Variants in SYNE3 observed in about 807,000 individuals in gnomAD.
The protein encoded by SYNE3 is spectrin repeat containing nuclear envelope family member 3.
A neutral mutation model predicts 111.2 loss-of-function variants in SYNE3; 100 were observed. That is an observed-to-expected ratio of 0.90 (90% CI 0.77 to 1.06). SYNE3 has a LOEUF of 1.06. Among genes scored for constraint, SYNE3 ranks in the 50% least tolerant of loss-of-function variants. SYNE3 has a pLI of 0.00. For missense variants in SYNE3, 1,160 were observed against 1,240.3 expected, an observed-to-expected ratio of 0.94 and a Z score of 0.97; for synonymous variants, 547 against 533.9, an observed-to-expected ratio of 1.02 and a Z score of -0.34.
At chr14:95,430,892 C>G (rs1287354336) in intron 17 of SYNE3, among the ~76,000 whole-genome samples, 2 of 152,024 alleles carry the variant, frequency 1.3e-5, no homozygotes, top group Non-Finnish European at 2.9e-5. Flanking sequence ...ACAACTCCCT[C>G]GAAGCCACAA....
chr14:95,462,776 G>A (rs952019510), intron 4 of SYNE3, among the ~76,000 whole-genome samples: 2 of 152,262 alleles, frequency 1.3e-5, no homozygotes, highest in African/African-American at 4.8e-5. Flanking sequence ...CGCAGCTGCA[G>A]GGAGCGCCAC....
In SYNE3 at chr14:95,499,856, C is replaced by CTTTTTTTTTT. The variant is rs10547044; in HGVS notation, c.-15+16730_-15+16739dup. On this transcript the variant is annotated intron_variant, in intron 1 of 17. Coordinates refer to ENST00000682763, the MANE Select transcript of SYNE3 (RefSeq NM_152592.6). ...AATCCCCTGTATCACTAACTCTTGT[C>CTTTTTTTTTT]TTTTTTTTTTTTTTTTTTTTGAGAT... is the stretch of plus-strand genomic sequence containing the variant. Among the ~76,000 whole-genome samples, 81 of 90,064 alleles carry CTTTTTTTTTT rather than the reference C, an allele frequency of 9.0e-4. 8 individuals are homozygous for CTTTTTTTTTT. The highest frequency in any genetic ancestry group is 1.7e-3 in the South Asian group (4 of 2,372). 59.1% of individuals were successfully genotyped at this position (90,064 alleles called of 152,430 possible).
chr14:95,467,677 C>A, intron 3 of SYNE3, 118 bp downstream of exon 3: 2 of 1,264,692 alleles, frequency 1.6e-6, no homozygotes, highest in East Asian at 5.1e-5. Context: ...AAGAGAATAT[C>A]CTGTCCCCCA....
At chr14:95,428,022 A>T (rs910784) in intron 17 of SYNE3, among the ~76,000 whole-genome samples, 5 of 152,060 alleles carry the variant, frequency 3.3e-5, no homozygotes, top group Non-Finnish European at 5.9e-5. Flanking sequence ...GCTAAGAAAG[A>T]AAAGAACAGC....
rs751153719 is a variant in SYNE3 at position 95,436,956 on chromosome 14, C to T, written c.2402G>A (p.Gly801Glu). Reference protein sequence around the residue: ...RRANLLQEEEGSHEDFSQLLR... With the variant: ...RRANLLQEEEESHEDFSQLLR... ...GAGCTGGGAGAAATCTTCATGGCTC[C>T]CTTCTTCTTCCTGTAGAAGATTTGC... is the stretch of plus-strand genomic sequence containing the variant. The change falls in exon 15 of 18, where the codon GGG becomes GAG. Residue 801 changes from glycine (G) to glutamate (E), a missense_variant. Coordinates refer to ENST00000682763, the MANE Select transcript of SYNE3 (RefSeq NM_152592.6). 1 of 1,611,414 alleles carries T rather than the reference C, an allele frequency of 6.2e-7. No individual in the cohort carries two copies. The highest frequency in any genetic ancestry group is 1.7e-5 in the Admixed American group (1 of 59,746).
chr14:95,418,242 G>A (rs115246771), intron 17 of SYNE3, among the ~76,000 whole-genome samples: 399 of 152,328 alleles, frequency 2.6e-3, no homozygotes, highest in African/African-American at 9.1e-3. Flanking sequence ...GGCATGAAAG[G>A]AAGAATAGAA....
chr14:95,514,493 G>A (rs1890840655), intron 1 of SYNE3, among the ~76,000 whole-genome samples: 2 of 152,236 alleles, frequency 1.3e-5, no homozygotes, highest in Non-Finnish European at 2.9e-5. Flanking sequence ...TCCCGACGAG[G>A]CCCCTTCGCC....
rs1890649788 is a variant in SYNE3, at chr14:95,509,533, T to C, written c.-15+7063A>G. Among the ~76,000 whole-genome samples, 4 of 152,192 alleles carry C rather than the reference T, an allele frequency of 2.6e-5. No homozygotes were observed. The South Asian group carries it at 8.3e-4, about 32-fold the overall frequency. On this transcript the variant is annotated intron_variant, in intron 1 of 17. Coordinates refer to ENST00000682763, the MANE Select transcript of SYNE3 (RefSeq NM_152592.6). ...ATGAGAAAACATCTGAACTTCAAGGTACCTTAGAAATCTCCTAATCTCAAC... is the reference window on the plus strand; with the variant it reads ...ATGAGAAAACATCTGAACTTCAAGGCACCTTAGAAATCTCCTAATCTCAAC...
At chr14:95,507,674 A>T (rs1353606222) in intron 1 of SYNE3, among the ~76,000 whole-genome samples, 4 of 152,250 alleles carry the variant, frequency 2.6e-5, no homozygotes, top group Non-Finnish European at 5.9e-5. Flanking sequence ...GTTTGAAATC[A>T]GCAAACAGAT....
intron 4 of SYNE3, among the ~76,000 whole-genome samples, chr14:95,463,692 G>A (rs1477164333): frequency 2.6e-5 from 4 of 152,244 alleles, no homozygotes; most frequent in Admixed American, 1.3e-4. Flanking sequence ...GAGCCAAGTC[G>A]AATCCCCGCC....
intron 1 of SYNE3, among the ~76,000 whole-genome samples, chr14:95,486,226 C>A (rs1198741127): frequency 2.0e-5 from 3 of 152,082 alleles, no homozygotes; most frequent in East Asian, 3.8e-4. Context: ...GCCCCCATCA[C>A]CCCCAAGAAG....
chr14:95,457,334 C>A lies in SYNE3; in HGVS notation c.632G>T (p.Arg211Leu). 1 of 1,613,268 alleles carries A rather than the reference C, an allele frequency of 6.2e-7. No homozygotes were observed. The highest frequency in any genetic ancestry group is 8.5e-7 in the Non-Finnish European group (1 of 1,179,550). The change falls in exon 5 of 18, where the codon CGT becomes CTT. Residue 211 changes from arginine (R) to leucine (L), a missense_variant. Physicochemically the swap from Arg to Leu is moderately radical, Grantham distance 102. Transcript: ENST00000682763. ...YDAVKAKAQK[R>L]VDLLEQVARE... The stretch of plus-strand genomic sequence containing the variant: ...GGCCACCTGCTCCAGCAGATCTACA[C>A]GCTTCTGTGGGAGGAGGAGAATCAC...
chr14:95,459,137 C>T (rs114071633), intron 4 of SYNE3, among the ~76,000 whole-genome samples: 2,435 of 152,328 alleles, frequency 0.016, 55 homozygotes, highest in African/African-American at 0.049. Flanking sequence ...TATGTTGTAG[C>T]CCATGAGTAG....
intron 2 of SYNE3, among the ~76,000 whole-genome samples, chr14:95,469,676 G>A (rs1379744906): frequency 1.3e-5 from 2 of 151,614 alleles, no homozygotes; most frequent in Middle Eastern, 3.4e-3. Context: ...AAACCACTAC[G>A]CTCCAGCCTG....
chr14:95,490,919 A>G (rs12147611), intron 1 of SYNE3, among the ~76,000 whole-genome samples: 14,504 of 152,262 alleles, frequency 0.095, 728 homozygotes, highest in Non-Finnish European at 0.11. Context: ...CTACCTTCCC[A>G]TTAGAATGTC....
At chr14:95,456,013 A>T in intron 5 of SYNE3, 1 of 437,684 alleles carries the variant, frequency 2.3e-6, no homozygotes, top group Non-Finnish European at 4.0e-6. Context: ...ACATTTGTTT[A>T]TCTTCCTTTC....
chr14:95,467,680 G>GT (rs1263243232), intron 3 of SYNE3, 115 bp downstream of exon 3: 1 of 1,283,954 alleles, frequency 7.8e-7, no homozygotes, highest in African/African-American at 1.5e-5. Context: ...AGAATATCCT[G>GT]TCCCCCAGAA....
intron 1 of SYNE3, among the ~76,000 whole-genome samples, chr14:95,503,419 C>A (rs1325138983): frequency 6.6e-6 from 1 of 152,152 alleles, no homozygotes; most frequent in Non-Finnish European, 1.5e-5. Flanking sequence ...ACTGTTCCTG[C>A]CTATTTACAG....
At chr14:95,418,322 C>G (rs1884870201) in intron 17 of SYNE3, among the ~76,000 whole-genome samples, 1 of 152,148 alleles carries the variant, frequency 6.6e-6, no homozygotes, top group African/African-American at 2.4e-5. Context: ...GGCTGTGAAT[C>G]CTAAGGTCAC....
Sources: allele counts gnomAD v4.1 joint callset (sites outside exome capture counted in the v4.1 genomes callset), GRCh38; gene constraint gnomAD v4.1.1; transcripts MANE v1.5; gene names NCBI Gene and HGNC (gene_info 2026-07-23, HGNC 2026-07-21).